The following GRIK3 variants were observed in gnomAD, a reference collection of about 807,000 sequenced individuals.
GRIK3 encodes the protein glutamate receptor ionotropic, kainate 3.
Under a neutral mutation model 102.5 loss-of-function variants are expected in GRIK3, and 29 were observed. The observed-to-expected ratio is 0.28, with a 90% CI of 0.21 to 0.39. The LOEUF (loss-of-function observed/expected upper bound fraction) is 0.39, where lower values mean the gene tolerates loss of function less well. GRIK3 is among the 10% of genes least tolerant of loss of function. The probability of loss-of-function intolerance (pLI) is 1.00; values close to 1 mark genes in which losing one functional copy is unlikely to be tolerated. For synonymous variants in GRIK3, 511 were observed against 504.9 expected (o/e 1.01, Z -0.16); for missense variants, 908 against 1,252.4 (o/e 0.73, Z 4.15).
intron 1 of GRIK3, among the ~76,000 whole-genome samples, chr1:36,973,369 C>T (rs950419579): frequency 1.3e-5 from 2 of 151,616 alleles, no homozygotes; most frequent in Non-Finnish European, 2.9e-5. Flanking sequence ...CTTTGCCTGG[C>T]TACCTACTCC....
rs1642648508 is a variant in GRIK3 at position 37,015,903 on chromosome 1, G to T, written c.115+18091C>A. 2.0e-5 allele frequency among the ~76,000 whole-genome samples: 3 copies of T among 152,246 alleles called. No individual in the cohort carries two copies. In the South Asian group the frequency reaches 6.2e-4, roughly 31 times the overall value. ...GAACAAGGACAGAGGTTGTTAAAAT[G>T]CTCCTGCCAAGATCTGGTGCCTGCA... On this transcript the variant is annotated intron_variant, in intron 1 of 15. Coordinates refer to ENST00000373091, the MANE Select transcript of GRIK3 (RefSeq NM_000831.4).
intron 1 of GRIK3, among the ~76,000 whole-genome samples, chr1:36,982,374 AG>A (rs1642258999): frequency 6.6e-6 from 1 of 152,192 alleles, no homozygotes. Flanking sequence ...CGCACCATCC[AG>A]AGGAGCTGGG....
chr1:36,938,645 G>T (rs527685339), intron 1 of GRIK3, among the ~76,000 whole-genome samples: 4 of 152,156 alleles, frequency 2.6e-5, no homozygotes, highest in Admixed American at 6.5e-5. Flanking sequence ...AGCAGTGTTT[G>T]TGTCACCCCC....
intron 1 of GRIK3, among the ~76,000 whole-genome samples, chr1:36,935,806 G>C (rs1236934754): frequency 6.6e-6 from 1 of 152,226 alleles, no homozygotes; most frequent in Non-Finnish European, 1.5e-5. Flanking sequence ...GAAAACTCAA[G>C]CACCATTCCA....
chr1:36,886,292 G>A (rs931486228), intron 2 of GRIK3, among the ~76,000 whole-genome samples: 3 of 152,184 alleles, frequency 2.0e-5, no homozygotes, highest in African/African-American at 2.4e-5. Flanking sequence ...CACAGGGCCC[G>A]AGGTGGCTGG....
intron 1 of GRIK3, among the ~76,000 whole-genome samples, chr1:36,895,194 T>G (rs12723662): frequency 1.3e-5 from 2 of 152,150 alleles, no homozygotes; most frequent in Admixed American, 1.3e-4. Context: ...TTTTCAGCAG[T>G]TACTTTTACC....
Position 36,891,023 on chromosome 1 carries a change from A to G in GRIK3, c.189T>C (p.Ser63=), listed in dbSNP as rs1288542376. ...MNAEEHAFRF[S]ANIINRNRTL... ...TCCTGTTCCTGTTGATGATGTTGGC[A>G]GAAAATCGAAAGGCATGCTCCTCGG... The change falls in exon 2 of 16, where the codon TCT becomes TCC. Residue 63 remains serine, a synonymous_variant. Transcript: ENST00000373091. 9 of 1,614,000 alleles carry G rather than the reference A, an allele frequency of 5.6e-6. No homozygotes were observed. The African/African-American group carries it at 1.2e-4, about 22-fold the overall frequency.
chr1:36,811,065 G>A (rs562291101), intron 13 of GRIK3, among the ~76,000 whole-genome samples: 1 of 152,358 alleles, frequency 6.6e-6, no homozygotes, highest in African/African-American at 2.4e-5. Context: ...TTCCATATCT[G>A]TAAAACGGGT....
At chr1:37,024,970 C>T (rs924541221) in intron 1 of GRIK3, among the ~76,000 whole-genome samples, 3 of 152,062 alleles carry the variant, frequency 2.0e-5, no homozygotes, top group African/African-American at 7.3e-5. Context: ...GTAAGGAAAT[C>T]TAGACTTAGA....
At chr1:37,010,464 C>T (rs1407171693) in intron 1 of GRIK3, among the ~76,000 whole-genome samples, 1 of 152,182 alleles carries the variant, frequency 6.6e-6, no homozygotes, top group African/African-American at 2.4e-5. Context: ...AGTGGTGGAG[C>T]CGGGATTCAA....
chr1:36,800,092 C>G lies in GRIK3; in HGVS notation c.*1759G>C, dbSNP rs1410199919. 2.0e-5 allele frequency: 3 copies of G among 152,196 alleles called. No individual in the cohort carries two copies. The highest frequency in any genetic ancestry group is 4.4e-5 in the Non-Finnish European group (3 of 68,050). 9.4% of individuals were successfully genotyped at this position (152,196 alleles called of 1,614,324 possible). A position where few individuals can be genotyped will look rare whatever the true frequency, so the allele number is the denominator to read the frequency against. On this transcript the variant is annotated 3_prime_UTR_variant, in exon 16 of 16. Coordinates refer to ENST00000373091, the MANE Select transcript of GRIK3 (RefSeq NM_000831.4). Reference sequence around the variant, plus strand: ...TGCAGCTCACAGTCTGGAGGAGGGACAGTGTTTATCACATGAGCCCACTGT... The same window carrying G: ...TGCAGCTCACAGTCTGGAGGAGGGAGAGTGTTTATCACATGAGCCCACTGT...
At chr1:36,909,467 T>A (rs554944942) in intron 1 of GRIK3, among the ~76,000 whole-genome samples, 4 of 152,204 alleles carry the variant, frequency 2.6e-5, no homozygotes, top group African/African-American at 9.6e-5. Flanking sequence ...CCTGGCTAAT[T>A]TTTTCGTATT....
At chr1:36,883,701 G>A (rs1297845962) in intron 2 of GRIK3, among the ~76,000 whole-genome samples, 3 of 152,188 alleles carry the variant, frequency 2.0e-5, no homozygotes, top group Non-Finnish European at 4.4e-5. Context: ...GCCAACCAGA[G>A]GAGGCAGAGG....
At chr1:36,936,774 T>A (rs945902264) in intron 1 of GRIK3, among the ~76,000 whole-genome samples, 29 of 152,036 alleles carry the variant, frequency 1.9e-4, no homozygotes, top group African/African-American at 6.7e-4. Flanking sequence ...GGCTGTTAAG[T>A]GAATGTGCGA....
At chr1:37,012,188 T>A (rs1047601800) in intron 1 of GRIK3, among the ~76,000 whole-genome samples, 16 of 152,248 alleles carry the variant, frequency 1.1e-4, no homozygotes, top group Admixed American at 3.3e-4. Flanking sequence ...CTATTGAGTT[T>A]TCATCAAAGT....
At chr1:36,851,107 C>T (rs1296934814) in intron 8 of GRIK3, among the ~76,000 whole-genome samples, 1 of 152,228 alleles carries the variant, frequency 6.6e-6, no homozygotes, top group African/African-American at 2.4e-5. Context: ...GCTCCTCTCA[C>T]TCAAGGAAGG....
intron 3 of GRIK3, among the ~76,000 whole-genome samples, chr1:36,878,356 C>T (rs866065171): frequency 3.9e-5 from 6 of 152,316 alleles, no homozygotes; most frequent in East Asian, 1.9e-4. Flanking sequence ...GATCTTCTGT[C>T]GGGTGCTTTG....
At chr1:37,033,383 G>A (rs1217624876) in intron 1 of GRIK3, among the ~76,000 whole-genome samples, 3 of 152,170 alleles carry the variant, frequency 2.0e-5, no homozygotes, top group African/African-American at 7.2e-5. Flanking sequence ...CCTTGGCCCC[G>A]AGGGACCAGC....
chr1:37,016,649 C>A (rs1408674581), intron 1 of GRIK3, among the ~76,000 whole-genome samples: 1 of 151,954 alleles, frequency 6.6e-6, no homozygotes, highest in African/African-American at 2.4e-5. Context: ...AGAAAAACAG[C>A]AGCAGCAGGA....
Sources: gnomAD v4.1 joint callset for allele counts (sites outside exome capture counted in the v4.1 genomes callset) on GRCh38, gnomAD v4.1.1 for gene constraint, MANE v1.5 for transcripts, NCBI Gene and HGNC (gene_info 2026-07-23, HGNC 2026-07-21) for gene names.